Variants in DGKG observed in about 807,000 individuals in gnomAD.
DGKG encodes diacylglycerol kinase gamma.
A neutral mutation model predicts 105.3 loss-of-function variants in DGKG; 78 were observed. The ratio of observed to expected loss-of-function variants is 0.74; its 90% CI spans 0.62 to 0.89. DGKG has a LOEUF of 0.89. Ranked by LOEUF, DGKG falls within the 40% of genes least tolerant of loss-of-function variation. The pLI is 0.00. For missense variants in DGKG, 958 were observed against 1,020.1 expected (o/e 0.94, Z 0.83); for synonymous variants, 346 against 367.1 (o/e 0.94, Z 0.66).
intron 5 of DGKG, among the ~76,000 whole-genome samples, chr3:186,292,790 A>C (rs1320672543): frequency 2.0e-5 from 3 of 152,090 alleles, no homozygotes; most frequent in Non-Finnish European, 4.4e-5. Flanking sequence ...CCTGGGCAAC[A>C]GAGCGAGACT....
chr3:186,250,769 C>T (rs986529537), intron 19 of DGKG, among the ~76,000 whole-genome samples: 1 of 151,956 alleles, frequency 6.6e-6, no homozygotes, highest in Non-Finnish European at 1.5e-5. Context: ...AGGCTGGTCT[C>T]GAACTCCTGG....
rs545705277 is a variant in DGKG, at chr3:186,361,778, T to G, written c.-249+168A>C. ...ACCCCTCGAGCGGGGCATCCCTTCC[T>G]GCAGGGCTTTGTGGCAGGTGGAACT... On this transcript the variant is annotated intron_variant, in intron 1 of 24. Transcript: ENST00000265022. This position sits in a 1 kb window ranked among gnomAD's most constrained non-coding sequence, Gnocchi z 6.8. Among the ~76,000 whole-genome samples, 4 of 152,100 alleles carry G rather than the reference T, an allele frequency of 2.6e-5. No homozygotes were observed. Among genetic ancestry groups the G allele is most frequent in the African/African-American group, 9.6e-5 (4 of 41,486 alleles).
intron 22 of DGKG, among the ~76,000 whole-genome samples, chr3:186,185,680 C>G (rs943853656): frequency 6.6e-6 from 1 of 152,142 alleles, no homozygotes; most frequent in African/African-American, 2.4e-5. Flanking sequence ...CTTGATACAA[C>G]CTTCAATGCT....
intron 1 of DGKG, among the ~76,000 whole-genome samples, chr3:186,334,362 AG>A (rs1725732793): frequency 1.3e-5 from 2 of 152,128 alleles, no homozygotes; most frequent in African/African-American, 4.8e-5. Flanking sequence ...AAACTGATGG[AG>A]GGTGGATTTA....
intron 3 of DGKG, 110 bp from the exon 4 acceptor site, chr3:186,298,339 G>A: frequency 1.9e-6 from 2 of 1,036,148 alleles, no homozygotes; most frequent in East Asian, 2.6e-5. Context: ...GGAAAGGGAG[G>A]CAGTAGGACA....
chr3:186,259,387 G>A (rs937845728), intron 16 of DGKG, among the ~76,000 whole-genome samples: 3 of 152,206 alleles, frequency 2.0e-5, no homozygotes, highest in African/African-American at 7.2e-5. Context: ...TGACTGTGAT[G>A]GCAACTGCAG....
intron 1 of DGKG, among the ~76,000 whole-genome samples, chr3:186,335,069 G>A (rs1201238898): frequency 6.6e-6 from 1 of 152,154 alleles, no homozygotes; most frequent in East Asian, 1.9e-4. Context: ...TGTAAGACCT[G>A]GAGCCCTTGG....
At chr3:186,227,355 T>C (rs976879456) in intron 20 of DGKG, among the ~76,000 whole-genome samples, 22 of 152,222 alleles carry the variant, frequency 1.4e-4, no homozygotes, top group African/African-American at 5.1e-4. Context: ...ATTTCCATTT[T>C]ACACATCAGA....
intron 22 of DGKG, among the ~76,000 whole-genome samples, chr3:186,172,544 G>A (rs562412502): frequency 8.1e-4 from 123 of 152,372 alleles, no homozygotes; most frequent in Non-Finnish European, 1.4e-3. Flanking sequence ...CAGCAGCACT[G>A]GCGTGCTGAG....
chr3:186,320,956 T>C (rs934850531), intron 1 of DGKG, among the ~76,000 whole-genome samples: 1 of 152,184 alleles, frequency 6.6e-6, no homozygotes, highest in South Asian at 2.1e-4. Context: ...ATGTGTCACA[T>C]GAGAGGTGGT....
intron 3 of DGKG, among the ~76,000 whole-genome samples, chr3:186,303,682 GC>G (rs796959421): frequency 2.8e-4 from 42 of 152,298 alleles, no homozygotes; most frequent in African/African-American, 9.9e-4. Flanking sequence ...CAAGCCACCT[GC>G]CTCTTTTGCT....
At chr3:186,174,613 C>T (rs941714463) in intron 22 of DGKG, among the ~76,000 whole-genome samples, 1 of 151,460 alleles carries the variant, frequency 6.6e-6, no homozygotes, top group African/African-American at 2.4e-5. Context: ...AGGAGCTCAC[C>T]CTTTTATCTG....
intron 1 of DGKG, among the ~76,000 whole-genome samples, chr3:186,359,406 C>T (rs1415950442): frequency 6.6e-6 from 1 of 152,066 alleles, no homozygotes; most frequent in Non-Finnish European, 1.5e-5. Flanking sequence ...GCCAGGAAAA[C>T]AATGTTCATG....
At chr3:186,224,461 C>T (rs1028216737) in intron 20 of DGKG, among the ~76,000 whole-genome samples, 12 of 152,138 alleles carry the variant, frequency 7.9e-5, no homozygotes, top group Non-Finnish European at 1.3e-4. Flanking sequence ...CCACCATGCC[C>T]GCAGGCAGAC....
intron 20 of DGKG, among the ~76,000 whole-genome samples, chr3:186,239,700 C>A (rs925325168): frequency 7.2e-5 from 11 of 152,206 alleles, no homozygotes; most frequent in African/African-American, 2.7e-4. Flanking sequence ...GTTAGGCGAG[C>A]ACGCAGGTTT....
chr3:186,264,777 A>G (rs1468890684), intron 14 of DGKG, among the ~76,000 whole-genome samples: 1 of 152,196 alleles, frequency 6.6e-6, no homozygotes, highest in East Asian at 1.9e-4. Flanking sequence ...ACTCTGTGGA[A>G]GACACAAAAA....
rs1300272387 is a variant in DGKG at position 186,242,659 on chromosome 3, C to A, written c.1762-91G>T. On this transcript the variant is annotated intron_variant, in intron 19 of 24. Transcript: ENST00000265022. ...GGACGCACGCATGCACTCGCTGAGTCATGCCAACCCTGGGACTCTATCTAT... is the reference window on the plus strand; with the variant it reads ...GGACGCACGCATGCACTCGCTGAGTAATGCCAACCCTGGGACTCTATCTAT... The A allele has an allele frequency of 7.3e-6, 8 of 1,103,290 alleles. No homozygotes were observed. In the East Asian group the frequency reaches 1.5e-4, roughly 21 times the overall value. The allele number at this position is 1,103,290 out of a possible 1,614,324, so 68.3% of individuals were successfully genotyped here. A position where few individuals can be genotyped will look rare whatever the true frequency, so the allele number is the denominator to read the frequency against.
At chr3:186,277,484 C>T (rs1722639814) in intron 9 of DGKG, among the ~76,000 whole-genome samples, 1 of 152,210 alleles carries the variant, frequency 6.6e-6, no homozygotes, top group Non-Finnish European at 1.5e-5. Context: ...CATCCTGCTC[C>T]TCTACCTCAC....
At chr3:186,192,470 G>A (rs1399287818) in intron 21 of DGKG, among the ~76,000 whole-genome samples, 1 of 152,120 alleles carries the variant, frequency 6.6e-6, no homozygotes, top group African/African-American at 2.4e-5. Flanking sequence ...TGCTTGGTGA[G>A]AGCTTTCTAG....
Sources: allele counts gnomAD v4.1 joint callset (sites outside exome capture counted in the v4.1 genomes callset), GRCh38; gene constraint gnomAD v4.1.1; non-coding constraint Gnocchi (gnomAD v3.1); transcripts MANE v1.5; gene names NCBI Gene and HGNC (gene_info 2026-07-23, HGNC 2026-07-21).